Variants in SMYD3 observed in about 807,000 individuals in gnomAD.
SMYD3 encodes SET and MYND domain containing 3, also known as histone-lysine N-methyltransferase SMYD3.
Under a neutral mutation model 57.7 loss-of-function variants are expected in SMYD3, and 36 were observed. The ratio of observed to expected loss-of-function variants is 0.62; its 90% CI spans 0.48 to 0.82. SMYD3 has a LOEUF of 0.82. Ranked by LOEUF, SMYD3 falls within the 40% of genes least tolerant of loss-of-function variation. The pLI, the probability that SMYD3 is intolerant of heterozygous loss-of-function variation, is 0.00. For synonymous variants in SMYD3, 211 were observed against 195.0 expected (o/e 1.08, Z -0.68); for missense variants, 515 against 538.8 (o/e 0.96, Z 0.44).
chr1:245,817,711 T>C (rs998121032), intron 10 of SMYD3, among the ~76,000 whole-genome samples: 1 of 152,106 alleles, frequency 6.6e-6, no homozygotes, highest in Admixed American at 6.5e-5. Flanking sequence ...AAGGAGCTGA[T>C]GGAGCTGAAA....
chr1:246,321,516 ATT>A (rs1341216859), intron 5 of SMYD3: 3 of 152,006 alleles, frequency 2.0e-5, no homozygotes, highest in African/African-American at 4.8e-5. Flanking sequence ...TCTAACTGTA[ATT>A]TTTGTTTGTT....
chr1:246,121,958 TC>T (rs112328829), intron 5 of SMYD3, among the ~76,000 whole-genome samples: 12,254 of 152,082 alleles, frequency 0.081, 991 homozygotes, highest in African/African-American at 0.19. Flanking sequence ...ACCTACATCC[TC>T]TGGAGTGGTA....
At chr1:246,396,362 G>T (rs949389498) in intron 1 of SMYD3, among the ~76,000 whole-genome samples, 3 of 151,928 alleles carry the variant, frequency 2.0e-5, no homozygotes, top group Non-Finnish European at 4.4e-5. Flanking sequence ...TGTTCCCAAC[G>T]GCTCACTTAC....
chr1:246,274,869 C>T (rs1049262946), intron 5 of SMYD3, among the ~76,000 whole-genome samples: 3 of 152,018 alleles, frequency 2.0e-5, no homozygotes, highest in African/African-American at 4.8e-5. Flanking sequence ...AACACTCTAC[C>T]GGGGTCAGTA....
At chr1:246,215,141 T>C (rs1434550578) in intron 5 of SMYD3, among the ~76,000 whole-genome samples, 3 of 152,234 alleles carry the variant, frequency 2.0e-5, no homozygotes, top group East Asian at 1.9e-4. Context: ...CGGCTAGATA[T>C]GCCTAAAGAG....
intron 5 of SMYD3, among the ~76,000 whole-genome samples, chr1:245,939,533 A>G (rs2057134556): frequency 6.6e-6 from 1 of 152,106 alleles, no homozygotes; most frequent in Non-Finnish European, 1.5e-5. Flanking sequence ...AGACTGAGGC[A>G]GGGGAATCGC....
chr1:246,325,021 G>A (rs1403754500), intron 5 of SMYD3, among the ~76,000 whole-genome samples: 43 of 37,254 alleles, frequency 1.2e-3, no homozygotes, highest in South Asian at 4.2e-3. Flanking sequence ...TCGGGGGAGC[G>A]GGAAGGAGGG....
In SMYD3 at chr1:246,327,230, C is replaced by T; in HGVS notation, c.502G>A (p.Ala168Thr). The T allele has an allele frequency of 6.2e-7, 1 of 1,614,102 alleles. No individual in the cohort carries two copies. Among genetic ancestry groups the T allele is most frequent in the Admixed American group, 1.7e-5 (1 of 60,012 alleles). Residue 168 changes from alanine (A) to threonine (T), a missense_variant, in exon 5 of 12, where the codon GCC (alanine) becomes ACC (threonine). Coordinates refer to ENST00000490107, the MANE Select transcript of SMYD3 (RefSeq NM_001167740.2). ...GCAAAGGCTTCAAAAAGGTCAAAGG[C>T]AGGTGGCAGCTGAGAGGCATCCTGT... ...EIQDASQLPP[A>T]FDLFEAFAKV...
chr1:245,985,949 A>T (rs2058695559), intron 5 of SMYD3, among the ~76,000 whole-genome samples: 1 of 152,144 alleles, frequency 6.6e-6, no homozygotes, highest in Non-Finnish European at 1.5e-5. Flanking sequence ...TCAAAGGTAA[A>T]TCCTTGAATT....
At chr1:246,368,339 C>G (rs1386259938) in intron 1 of SMYD3, among the ~76,000 whole-genome samples, 1 of 152,108 alleles carries the variant, frequency 6.6e-6, no homozygotes, top group Non-Finnish European at 1.5e-5. Flanking sequence ...AAACTCTGTG[C>G]TAAAACCATA....
At chr1:245,766,930 A>C (rs1057502850) in intron 10 of SMYD3, among the ~76,000 whole-genome samples, 1 of 152,138 alleles carries the variant, frequency 6.6e-6, no homozygotes, top group African/African-American at 2.4e-5. Context: ...TTCCAAATAA[A>C]TATTTCCAGG....
intron 1 of SMYD3, among the ~76,000 whole-genome samples, chr1:246,496,100 G>A (rs1179402325): frequency 6.6e-6 from 1 of 151,848 alleles, no homozygotes; most frequent in Non-Finnish European, 1.5e-5. Context: ...GCAGTGGCAT[G>A]ATCTCAACTC....
intron 5 of SMYD3, among the ~76,000 whole-genome samples, chr1:246,019,628 GTGTT>G (rs1167243282): frequency 6.6e-6 from 1 of 152,170 alleles, no homozygotes; most frequent in Non-Finnish European, 1.5e-5. Flanking sequence ...TTTTAAATCT[GTGTT>G]TGTCATGTGG....
chr1:245,774,068 TC>T (rs2046441412), intron 10 of SMYD3, among the ~76,000 whole-genome samples: 1 of 125,442 alleles, frequency 8.0e-6, no homozygotes, highest in Non-Finnish European at 1.8e-5. Context: ...TGTAGAACGC[TC>T]GATGAAATAT....
chr1:246,157,004 A>C (rs1026064339), intron 5 of SMYD3, among the ~76,000 whole-genome samples: 8 of 152,208 alleles, frequency 5.3e-5, no homozygotes, highest in Non-Finnish European at 1.0e-4. Flanking sequence ...TACGAGGGCA[A>C]AGATGAAAAG....
intron 5 of SMYD3, among the ~76,000 whole-genome samples, chr1:246,018,768 CTTT>C (rs200338008): frequency 7.1e-6 from 1 of 141,258 alleles, no homozygotes; most frequent in Non-Finnish European, 1.5e-5. Context: ...ACCATGCTGG[CTTT>C]TTTTTTTTTT....
chr1:246,495,966 A>AATT (rs139944620), intron 1 of SMYD3, among the ~76,000 whole-genome samples: 14 of 148,772 alleles, frequency 9.4e-5, no homozygotes, highest in Non-Finnish European at 1.5e-4. Flanking sequence ...TCACCTCAAA[A>AATT]AATAATAATA....
intron 5 of SMYD3, among the ~76,000 whole-genome samples, chr1:246,122,261 A>C (rs2061436260): frequency 6.8e-6 from 1 of 147,834 alleles, no homozygotes; most frequent in Admixed American, 6.6e-5. Context: ...AAATTTAAAA[A>C]ATTAGCCAGC....
chr1:246,099,117 G>A (rs767558343), intron 5 of SMYD3, among the ~76,000 whole-genome samples: 9 of 152,344 alleles, frequency 5.9e-5, no homozygotes, highest in Non-Finnish European at 1.2e-4. Context: ...AGACTGATAA[G>A]TTGAAAATAA....
Sources: gnomAD v4.1 joint callset for allele counts (sites outside exome capture counted in the v4.1 genomes callset) on GRCh38, gnomAD v4.1.1 for gene constraint, MANE v1.5 for transcripts, NCBI Gene and HGNC (gene_info 2026-07-23, HGNC 2026-07-21) for gene names.